LGALS9: variants seen among roughly 807,000 people sequenced by gnomAD.
The protein encoded by LGALS9 is galectin-9.
Under a neutral mutation model 35.9 loss-of-function variants are expected in LGALS9, and 26 were observed. The ratio of observed to expected loss-of-function variants is 0.72; its 90% CI spans 0.53 to 1.01. The LOEUF is 1.01. LGALS9 is among the 50% of genes least tolerant of loss of function. The probability of loss-of-function intolerance (pLI) is 0.00; values close to 1 mark genes in which losing one functional copy is unlikely to be tolerated. For synonymous variants in LGALS9, 149 were observed against 172.2 expected, an observed-to-expected ratio of 0.87 and a Z score of 1.06; for missense variants, 347 against 445.8, an observed-to-expected ratio of 0.78 and a Z score of 1.99.
intron 5 of LGALS9, chr17:27,644,954 C>A (rs1299113327): frequency 5.3e-5 from 13 of 246,246 alleles, no homozygotes; most frequent in Non-Finnish European, 3.1e-5. Flanking sequence ...CAGGAATCGA[C>A]CCACAATAGG....
chr17:27,634,492 C>CA (rs1205861533), intron 1 of LGALS9, among the ~76,000 whole-genome samples: 19 of 152,078 alleles, frequency 1.2e-4, no homozygotes, highest in Admixed American at 1.1e-3. Flanking sequence ...GTGGAGGCTA[C>CA]AGTGAGCTGA....
intron 1 of LGALS9, among the ~76,000 whole-genome samples, chr17:27,635,938 G>A (rs1035157801): frequency 5.3e-5 from 8 of 152,180 alleles, no homozygotes; most frequent in African/African-American, 1.9e-4. Context: ...GGTGTAGACA[G>A]GGACAAGAAT....
chr17:27,643,927 A>C (rs1598186723), intron 5 of LGALS9: 1 of 353,382 alleles, frequency 2.8e-6, no homozygotes, highest in Non-Finnish European at 5.1e-6. Context: ...CACCCCCTAC[A>C]CCCAACCACT....
chr17:27,641,033 G>A (rs1904454451), intron 3 of LGALS9: 2 of 682,244 alleles, frequency 2.9e-6, no homozygotes, highest in East Asian at 6.1e-5. Flanking sequence ...ATTTGGTGTT[G>A]TGTGTCTTTG....
chr17:27,646,463 T>A, intron 7 of LGALS9, 84 bp from the exon 8 acceptor site: 1 of 1,602,706 alleles, frequency 6.2e-7, no homozygotes, highest in Admixed American at 1.7e-5. Flanking sequence ...AGTGGAGTCC[T>A]CTCTAGAACG....
At chr17:27,645,999 G>T in intron 7 of LGALS9, 88 bp downstream of exon 7, 1 of 1,594,968 alleles carries the variant, frequency 6.3e-7, no homozygotes, top group Non-Finnish European at 8.6e-7. Flanking sequence ...GAGTCGGGAA[G>T]AAAGCGGTTT....
chr17:27,631,278 G>A lies in LGALS9; in HGVS notation c.13G>A (p.Gly5Ser), dbSNP rs3751093. 348,067 of 1,613,782 alleles carry A rather than the reference G, an allele frequency of 0.22. 38,482 individuals carry two copies. Among genetic ancestry groups the A allele is most frequent in the Admixed American group, 0.29 (17,586 of 60,004 alleles). ...AGGCGGCGGAGAGATGGCCTTCAGC[G>A]GTTCCCAGGCTCCCTACCTGAGTCC... The part of the protein sequence containing the change: MAFS[G>S]SQAPYLSPAV... The change falls in exon 1 of 11, where the codon GGT becomes AGT. Residue 5 changes from glycine (G) to serine (S), a missense_variant. Transcript: ENST00000395473.
chr17:27,636,919 C>T (rs2074458444), intron 1 of LGALS9, among the ~76,000 whole-genome samples: 3 of 152,258 alleles, frequency 2.0e-5, no homozygotes, highest in East Asian at 1.9e-4. Context: ...CTGCTTAGCA[C>T]GGAGTAGATG....
At chr17:27,632,316 C>T (rs2074401235) in intron 1 of LGALS9, among the ~76,000 whole-genome samples, 1 of 152,114 alleles carries the variant, frequency 6.6e-6, no homozygotes, top group African/African-American at 2.4e-5. Context: ...GGGAAGCTGC[C>T]ATGGCCCACC....
At chr17:27,642,391 AGGGCC>A (rs2151294645) in intron 4 of LGALS9, 43 bp downstream of exon 4, 1 of 1,611,088 alleles carries the variant, frequency 6.2e-7, no homozygotes, top group African/African-American at 1.3e-5. Context: ...GCTGGGATGC[AGGGCC>A]CAGCGTAGCT....
chr17:27,634,492 C>T (rs1472695854), intron 1 of LGALS9, among the ~76,000 whole-genome samples: 5 of 152,078 alleles, frequency 3.3e-5, no homozygotes, highest in Non-Finnish European at 7.4e-5. Context: ...GTGGAGGCTA[C>T]AGTGAGCTGA....
At chr17:27,633,334 T>G (rs1184752023) in intron 1 of LGALS9, among the ~76,000 whole-genome samples, 1 of 152,202 alleles carries the variant, frequency 6.6e-6, no homozygotes, top group African/African-American at 2.4e-5. Flanking sequence ...CCTTAGCTGG[T>G]CAACCTCAAA....
intron 1 of LGALS9, among the ~76,000 whole-genome samples, chr17:27,633,678 A>G (rs2074413804): frequency 6.6e-6 from 1 of 152,198 alleles, no homozygotes; most frequent in Admixed American, 6.5e-5. Flanking sequence ...GCAAGTCATG[A>G]CTCAGCAGAG....
rs376495100 is a variant in LGALS9, at chr17:27,647,384, G to A, written c.873G>A (p.Glu291=). ...TCGACAACTCCTGGGGGTCTGAGGA[G>A]CGAAGTCTGCCCCGAAAAATGCCCT... ...TQIDNSWGSE[E]RSLPRKMPFV... is the part of the protein sequence containing the mutation. Residue 291 remains glutamate, a synonymous_variant, in exon 10 of 11, where the codon GAG becomes GAA. Coordinates refer to ENST00000395473, the MANE Select transcript of LGALS9 (RefSeq NM_009587.3). The A allele has an allele frequency of 1.5e-5, 24 of 1,614,168 alleles. No homozygotes were observed. The African/African-American group carries it at 3.1e-4, about 21-fold the overall frequency.
rs58778949 is a variant in LGALS9, at chr17:27,639,612, CA to C, written c.132-959del. Among the ~76,000 whole-genome samples, 1,441 of 152,208 alleles carry C rather than the reference CA, an allele frequency of 9.5e-3. 28 individuals are homozygous for C. Among genetic ancestry groups the C allele is most frequent in the African/African-American group, 0.033 (1,369 of 41,516 alleles). On this transcript the variant is annotated intron_variant, in intron 2 of 10. Coordinates refer to ENST00000395473, the MANE Select transcript of LGALS9 (RefSeq NM_009587.3). ...TTTGAGACAGGGACTTTCTTTCACC[CA>C]GCCTGGAGTTCAGTGGTATGATCAT...
chr17:27,631,413 A>C, intron 1 of LGALS9, 109 bp downstream of exon 1: 2 of 1,418,364 alleles, frequency 1.4e-6, no homozygotes, highest in Non-Finnish European at 2.0e-6. Context: ...GGGGCATCCC[A>C]AAGAGAACAC....
At position 27,633,928 on chromosome 17, in the gene LGALS9, A is replaced by C. The variant is rs1324922234; in HGVS notation, c.39+2624A>C. On this transcript the variant is annotated intron_variant, in intron 1 of 10. Coordinates refer to ENST00000395473, the MANE Select transcript of LGALS9 (RefSeq NM_009587.3). ...GCCAGTGTCAGAATTGCTAGTGTAC[A>C]GAGCTGGGAGGCAAGCCCAGTCCCG... 9.2e-5 allele frequency among the ~76,000 whole-genome samples: 14 copies of C among 152,248 alleles called. 1 individual carries two copies. Among genetic ancestry groups the C allele is most frequent in the Admixed American group, 9.2e-4 (14 of 15,284 alleles).
chr17:27,647,819 C>G (rs1292033191), intron 10 of LGALS9, among the ~76,000 whole-genome samples: 10 of 152,232 alleles, frequency 6.6e-5, no homozygotes, highest in Non-Finnish European at 1.2e-4. Context: ...CAGACAGGGT[C>G]CTGCCTCCAG....
chr17:27,648,459 A>G (rs1436724713), intron 10 of LGALS9, among the ~76,000 whole-genome samples: 1 of 146,250 alleles, frequency 6.8e-6, no homozygotes, highest in African/African-American at 2.4e-5. Context: ...TGCAAAGGGA[A>G]GGAGGTTTTA....
Sources: allele counts gnomAD v4.1 joint callset (sites outside exome capture counted in the v4.1 genomes callset), GRCh38; gene constraint gnomAD v4.1.1; transcripts MANE v1.5; gene names NCBI Gene and HGNC (gene_info 2026-07-23, HGNC 2026-07-21).